The following CNTNAP2 variants were observed in gnomAD, a reference collection of about 807,000 sequenced individuals.
The protein encoded by CNTNAP2 is contactin associated protein 2, also known as contactin-associated protein-like 2.
In CNTNAP2, 98 loss-of-function variants were observed where a neutral mutation model predicts 155.2. The observed-to-expected ratio is 0.63, with a 90% CI of 0.54 to 0.75. CNTNAP2 has a LOEUF of 0.75. Ranked by LOEUF, CNTNAP2 falls within the 30% of genes least tolerant of loss-of-function variation. The pLI, the probability that CNTNAP2 is intolerant of heterozygous loss-of-function variation, is 0.00. For synonymous variants in CNTNAP2, 651 were observed against 631.2 expected, an observed-to-expected ratio of 1.03 and a Z score of -0.47; for missense variants, 1,727 against 1,688.1, an observed-to-expected ratio of 1.02 and a Z score of -0.40.
At chr7:147,208,845 A>T (rs920122144) in intron 8 of CNTNAP2, among the ~76,000 whole-genome samples, 1 of 152,000 alleles carries the variant, frequency 6.6e-6, no homozygotes, top group African/African-American at 2.4e-5. Context: ...GAACAATTCA[A>T]ATTAGTCACA....
intron 12 of CNTNAP2, 120 bp from the exon 13 acceptor site, chr7:147,638,986 A>G: frequency 2.0e-6 from 2 of 1,013,388 alleles, no homozygotes; most frequent in Non-Finnish European, 1.6e-6. Flanking sequence ...GCTCTCCTTA[A>G]CACTGTTCTA....
At chr7:147,874,120 A>G (rs1403653208) in intron 13 of CNTNAP2, among the ~76,000 whole-genome samples, 1 of 152,036 alleles carries the variant, frequency 6.6e-6, no homozygotes, top group Non-Finnish European at 1.5e-5. Flanking sequence ...CGTCTACAGC[A>G]TTTCCAGGCT....
intron 1 of CNTNAP2, among the ~76,000 whole-genome samples, chr7:146,133,099 GC>G (rs1245016531): frequency 6.7e-5 from 10 of 149,330 alleles, no homozygotes; most frequent in Non-Finnish European, 1.0e-4. Flanking sequence ...TTTAATGATT[GC>G]CATTCTAACT....
intron 12 of CNTNAP2, among the ~76,000 whole-genome samples, chr7:147,617,822 T>A (rs1584858138): frequency 1.3e-5 from 2 of 152,338 alleles, no homozygotes; most frequent in East Asian, 3.9e-4. Flanking sequence ...TCACATTATT[T>A]TGATATTATT....
At chr7:146,159,408 G>C (rs917441228) in intron 1 of CNTNAP2, among the ~76,000 whole-genome samples, 1 of 151,318 alleles carries the variant, frequency 6.6e-6, no homozygotes, top group Non-Finnish European at 1.5e-5. Flanking sequence ...CTTAAATGTA[G>C]ATGGGCTAAG....
At chr7:146,514,851 A>G (rs1797517466) in intron 1 of CNTNAP2, among the ~76,000 whole-genome samples, 1 of 152,026 alleles carries the variant, frequency 6.6e-6, no homozygotes, top group Admixed American at 6.6e-5. Context: ...TTCCTGGATT[A>G]TATCTGCTTA....
At chr7:146,480,344 G>C (rs533059378) in intron 1 of CNTNAP2, among the ~76,000 whole-genome samples, 72 of 152,218 alleles carry the variant, frequency 4.7e-4, no homozygotes, top group Non-Finnish European at 8.8e-4. Context: ...TTGATTATAG[G>C]TACCAGTGTC....
At chr7:146,359,173 G>T (rs1423990222) in intron 1 of CNTNAP2, among the ~76,000 whole-genome samples, 1 of 152,196 alleles carries the variant, frequency 6.6e-6, no homozygotes, top group Non-Finnish European at 1.5e-5. Context: ...GTGAGACTGG[G>T]CACAATGCCA....
At chr7:148,029,943 G>A (rs1802442808) in intron 15 of CNTNAP2, among the ~76,000 whole-genome samples, 1 of 152,182 alleles carries the variant, frequency 6.6e-6, no homozygotes, top group Non-Finnish European at 1.5e-5. Context: ...TGTTCTAAGT[G>A]TTTAAAATTA....
chr7:147,195,117 C>T (rs71599483), intron 8 of CNTNAP2, among the ~76,000 whole-genome samples: 1 of 152,090 alleles, frequency 6.6e-6, no homozygotes, highest in Non-Finnish European at 1.5e-5. Flanking sequence ...AGGAAGCAGT[C>T]CAGTTTCGGT....
At chr7:147,683,323 C>A (rs1176853650) in intron 13 of CNTNAP2, among the ~76,000 whole-genome samples, 3 of 151,762 alleles carry the variant, frequency 2.0e-5, no homozygotes, top group Non-Finnish European at 2.9e-5. Flanking sequence ...GAAACTGCAG[C>A]CTTTGCAATC....
intron 13 of CNTNAP2, among the ~76,000 whole-genome samples, chr7:147,760,067 A>G (rs1240380952): frequency 2.6e-5 from 4 of 152,060 alleles, no homozygotes; most frequent in East Asian, 3.9e-4. Context: ...GGGTTACTAA[A>G]TAAGCCCAAA....
intron 8 of CNTNAP2, among the ~76,000 whole-genome samples, chr7:147,242,986 C>CTTTTTTTTTTTT (rs1563130639): frequency 2.4e-5 from 1 of 42,162 alleles, no homozygotes; most frequent in Non-Finnish European, 3.9e-5. Context: ...CTATGCTTTG[C>CTTTTTTTTTTTT]ATTTTTTTTT....
intron 21 of CNTNAP2, among the ~76,000 whole-genome samples, chr7:148,323,453 C>T (rs1447445789): frequency 2.7e-5 from 4 of 148,466 alleles, no homozygotes; most frequent in African/African-American, 2.5e-5. Flanking sequence ...AATTGTTTGC[C>T]TCATTTTCCC....
At chr7:147,818,551 C>G (rs1322622269) in intron 13 of CNTNAP2, among the ~76,000 whole-genome samples, 1 of 152,156 alleles carries the variant, frequency 6.6e-6, no homozygotes, top group Non-Finnish European at 1.5e-5. Flanking sequence ...AAAGGAAGCA[C>G]GTGGTCTGTT....
chr7:147,951,989 T>C (rs1436509706), intron 14 of CNTNAP2, among the ~76,000 whole-genome samples: 1 of 151,828 alleles, frequency 6.6e-6, no homozygotes, highest in Non-Finnish European at 1.5e-5. Context: ...TGAGAACTCA[T>C]AGTGGCATGG....
chr7:146,649,694 C>G (rs912601896), intron 1 of CNTNAP2, among the ~76,000 whole-genome samples: 3 of 152,104 alleles, frequency 2.0e-5, no homozygotes, highest in African/African-American at 7.2e-5. Flanking sequence ...GCTCATTTCT[C>G]TCCATTTTTA....
At chr7:146,721,367 C>T (rs1243058476) in intron 1 of CNTNAP2, among the ~76,000 whole-genome samples, 2 of 122,738 alleles carry the variant, frequency 1.6e-5, no homozygotes, top group Non-Finnish European at 3.2e-5. Flanking sequence ...TATATACATT[C>T]TATATATACA....
At chr7:146,415,296 A>G (rs1468887856) in intron 1 of CNTNAP2, among the ~76,000 whole-genome samples, 2 of 152,120 alleles carry the variant, frequency 1.3e-5, no homozygotes, top group African/African-American at 2.4e-5. Context: ...GTGAATTTTA[A>G]AATGAATACT....
Sources: gnomAD v4.1 joint callset for allele counts (sites outside exome capture counted in the v4.1 genomes callset) on GRCh38, gnomAD v4.1.1 for gene constraint, MANE v1.5 for transcripts, NCBI Gene and HGNC (gene_info 2026-07-23, HGNC 2026-07-21) for gene names.